The following LILRB2 variants were observed in gnomAD, a reference collection of about 807,000 sequenced individuals.
The protein encoded by LILRB2 is leukocyte immunoglobulin like receptor B2.
Under a neutral mutation model 72.7 loss-of-function variants are expected in LILRB2, and 47 were observed. The observed-to-expected ratio is 0.65, with a 90% CI of 0.51 to 0.82. The LOEUF (loss-of-function observed/expected upper bound fraction) is 0.82, where lower values mean the gene tolerates loss of function less well. LILRB2 is among the 40% of genes least tolerant of loss of function. The pLI is 0.00. For synonymous variants in LILRB2, 279 were observed against 313.7 expected, an observed-to-expected ratio of 0.89 and a Z score of 1.17; for missense variants, 767 against 764.8, an observed-to-expected ratio of 1.00 and a Z score of -0.03.
rs1207778817 is a variant in LILRB2 at position 54,274,383 on chromosome 19, G to T, written c.*300C>A. The T allele has an allele frequency of 2.1e-5, 7 of 328,414 alleles. No individual in the cohort carries two copies. Among genetic ancestry groups the T allele is most frequent in the Non-Finnish European group, 3.8e-5 (7 of 185,638 alleles). The allele number at this position is 328,414 out of a possible 1,614,324, so 20.3% of individuals were successfully genotyped here. ...TGGTTTGTACTTTTTCAATTTCATTGTGTGATGTGTAATATTTATATTGTG... is the reference window on the plus strand; with the variant it reads ...TGGTTTGTACTTTTTCAATTTCATTTTGTGATGTGTAATATTTATATTGTG... On this transcript the variant is annotated 3_prime_UTR_variant, in exon 14 of 14. Transcript: ENST00000314446.
intron 2 of LILRB2, 79 bp from the exon 3 acceptor site, chr19:54,280,378 C>T: frequency 6.2e-7 from 1 of 1,614,054 alleles, no homozygotes; most frequent in Non-Finnish European, 8.5e-7. Context: ...TTTGTGAGCC[C>T]CTGGGGTCTC....
At position 54,277,254 on chromosome 19, in the gene LILRB2, C is replaced by G. The variant is rs192334261; in HGVS notation, c.1357+296G>C. ...TCCTGAACCACGACTCTGCTCCCCT[C>G]CCCTGCCCCAGGTCACCGTCTCTGC... On this transcript the variant is annotated intron_variant, in intron 9 of 13. Coordinates refer to ENST00000314446, the MANE Select transcript of LILRB2 (RefSeq NM_001080978.4). The G allele has an allele frequency of 5.5e-3, 8,394 of 1,529,484 alleles. 35 individuals carry two copies. Among genetic ancestry groups the G allele is most frequent in the Non-Finnish European group, 6.8e-3 (7,688 of 1,130,304 alleles). 94.7% of individuals were successfully genotyped at this position (1,529,484 alleles called of 1,614,324 possible). A position where few individuals can be genotyped will look rare whatever the true frequency, so the allele number is the denominator to read the frequency against.
Position 54,274,376 on chromosome 19 carries a change from T to C in LILRB2, c.*307A>G, listed in dbSNP as rs1288033260. ...TCATTTGTGGTTTGTACTTTTTCAA[T>C]TTCATTGTGTGATGTGTAATATTTA... On this transcript the variant is annotated 3_prime_UTR_variant, in exon 14 of 14. Coordinates refer to ENST00000314446, the MANE Select transcript of LILRB2 (RefSeq NM_001080978.4). 3.1e-6 allele frequency: 1 copy of C among 325,474 alleles called. No homozygotes were observed. Among genetic ancestry groups the C allele is most frequent in the Non-Finnish European group, 5.5e-6 (1 of 182,304 alleles). 20.2% of individuals were successfully genotyped at this position (325,474 alleles called of 1,614,324 possible). A position where few individuals can be genotyped will look rare whatever the true frequency, so the allele number is the denominator to read the frequency against.
chr19:54,280,113 CCA>C (rs1170387170), intron 3 of LILRB2, 38 bp from the exon 4 acceptor site: 1 of 1,611,370 alleles, frequency 6.2e-7, no homozygotes, highest in African/African-American at 1.3e-5. Context: ...AAGTCATTTC[CCA>C]CCCAACAGAT....
chr19:54,274,526 G>C lies in LILRB2; in HGVS notation c.*157C>G. 1 of 1,355,710 alleles carries C rather than the reference G, an allele frequency of 7.4e-7. No homozygotes were observed. The highest frequency in any genetic ancestry group is 2.5e-5 in the East Asian group (1 of 40,154). 84.0% of individuals were successfully genotyped at this position (1,355,710 alleles called of 1,614,324 possible). A position where few individuals can be genotyped will look rare whatever the true frequency, so the allele number is the denominator to read the frequency against. On this transcript the variant is annotated 3_prime_UTR_variant, in exon 14 of 14. Transcript: ENST00000314446. ...AGGGATATTAGTTATTTCGACTGCA[G>C]AATCAAGTGAGTCCCAAAGTTCCCA... is the stretch of plus-strand genomic sequence containing the variant.
At chr19:54,277,214 G>A (rs1386388887) in intron 9 of LILRB2, 11 of 1,535,156 alleles carry the variant, frequency 7.2e-6, no homozygotes, top group South Asian at 1.2e-5. Context: ...GAGCTGCAGG[G>A]AAAGAGCCTT....
chr19:54,279,503 A>G lies in LILRB2; in HGVS notation c.500T>C (p.Leu167Pro). 1 of 1,614,050 alleles carries G rather than the reference A, an allele frequency of 6.2e-7. No homozygotes were observed. The highest frequency in any genetic ancestry group is 8.5e-7 in the Non-Finnish European group (1 of 1,179,984). The change falls in exon 5 of 14, where the codon CTG becomes CCG. Residue 167 changes from leucine to proline, a missense_variant. Coordinates refer to ENST00000314446, the MANE Select transcript of LILRB2 (RefSeq NM_001080978.4). ...KEGEDEHPQC[L>P]NSQPHARGSS... The stretch of plus-strand genomic sequence containing the variant: ...CCCACGGGCATGGGGCTGGGAGTTC[A>G]GGCATTGTGGGTGTTCATCTTCTCC...
In LILRB2 at chr19:54,278,425, G is replaced by C. The variant is rs767551261; in HGVS notation, c.1093C>G (p.Pro365Ala). ...TCGTGTATTGATCTTAGACGGAGTG[G>C]GGCATCAGCTGCTCCCGCCTTGGTC... ...LLTKAGAADA[P>A]LRLRSIHEYP... Residue 365 changes from proline (P) to alanine (A), a missense_variant, in exon 7 of 14, where the codon CCA becomes GCA. By Grantham distance (27) the Pro-to-Ala change is conservative (BLOSUM62 -1). Transcript: ENST00000314446. The C allele has an allele frequency of 6.2e-6, 10 of 1,614,164 alleles. No individual in the cohort carries two copies. The East Asian group carries it at 2.0e-4, about 32-fold the overall frequency.
chr19:54,276,114 C>A, intron 12 of LILRB2, 111 bp from the exon 13 acceptor site: 2 of 1,556,310 alleles, frequency 1.3e-6, no homozygotes, highest in South Asian at 2.3e-5. Flanking sequence ...CAGGGAGGGG[C>A]TGCAATGTCC....
In LILRB2 at chr19:54,274,701, G is replaced by A. The variant is rs139838018; in HGVS notation, c.1776C>T (p.Ala592=). Residue 592 remains alanine (A), a synonymous_variant, in exon 14 of 14, where the codon GCC becomes GCT. Transcript: ENST00000314446. ...REPPAEPSIY[A]TLAIH ...CTCCGGGCTAGTGGATGGCCAGGGT[G>A]GCGTAGATGCTGGGCTCAGCTGGAG... The A allele has an allele frequency of 6.2e-6, 10 of 1,613,904 alleles. No individual in the cohort carries two copies. In the African/African-American group the frequency reaches 9.3e-5, roughly 15 times the overall value.
In LILRB2 at chr19:54,276,420, G is replaced by A; in HGVS notation, c.1517C>T (p.Ala506Val). Residue 506 changes from alanine to valine, a missense_variant, in exon 11 of 14, where the codon GCT becomes GTT. This residue lies in a region of LILRB2 where 162 missense variants were observed against 176.7 expected (regional missense o/e 0.92). Transcript: ENST00000314446. The stretch of plus-strand genomic sequence containing the variant: ...TCTGTCTGTGGGCTCTGGCCCCACA[G>A]CCCCTGCAGGATGTTGGAAATCAGC... The part of the protein sequence containing the change: ...RKADFQHPAG[A>V]VGPEPTDRGL... 1 of 1,600,240 alleles carries A rather than the reference G, an allele frequency of 6.2e-7. No homozygotes were observed. Among genetic ancestry groups the A allele is most frequent in the Non-Finnish European group, 8.6e-7 (1 of 1,169,162 alleles).
intron 9 of LILRB2, chr19:54,277,268 C>T: frequency 6.6e-7 from 1 of 1,515,818 alleles, no homozygotes; most frequent in Admixed American, 2.0e-5. Flanking sequence ...TGCCCCAGGT[C>T]ACCGTCTCTG....
intron 13 of LILRB2, 55 bp downstream of exon 13, chr19:54,275,896 G>C: frequency 6.3e-7 from 1 of 1,596,360 alleles, no homozygotes; most frequent in South Asian, 1.1e-5. Flanking sequence ...AGTCCTGCTG[G>C]ATTAGATCTG....
rs2080511097 is a variant in LILRB2, at chr19:54,280,730, T to C, written c.-48-186A>G. 15 of 806,216 alleles carry C rather than the reference T, an allele frequency of 1.9e-5. 1 individual carries two copies. Among genetic ancestry groups the C allele is most frequent in the Non-Finnish European group, 3.0e-5 (15 of 507,170 alleles). The allele number at this position is 806,216 out of a possible 1,614,324, so 49.9% of individuals were successfully genotyped here. On this transcript the variant is annotated intron_variant, in intron 1 of 13. Coordinates refer to ENST00000314446, the MANE Select transcript of LILRB2 (RefSeq NM_001080978.4). ...AGGTGGGGGCAGGCACTGGGCCCTC[T>C]GCAGACATTTCAGACTGTAATGGGG...
chr19:54,274,587 G>C lies in LILRB2; in HGVS notation c.*96C>G. 6.3e-7 allele frequency: 1 copy of C among 1,594,406 alleles called. No individual in the cohort carries two copies. The highest frequency in any genetic ancestry group is 8.6e-7 in the Non-Finnish European group (1 of 1,167,898). Reference sequence around the variant, plus strand: ...ATGGTCTTTGTTAGGGGTCCAGGCTGACTGGGGTTCATTGGTGTCCACTGG... The same window carrying C: ...ATGGTCTTTGTTAGGGGTCCAGGCTCACTGGGGTTCATTGGTGTCCACTGG... On this transcript the variant is annotated 3_prime_UTR_variant, in exon 14 of 14. Transcript: ENST00000314446.
At chr19:54,276,333 G>T in intron 11 of LILRB2, 32 bp from the exon 12 acceptor site, 2 of 1,613,966 alleles carry the variant, frequency 1.2e-6, no homozygotes, top group Non-Finnish European at 1.7e-6. Flanking sequence ...TAGGGGCAGT[G>T]TATGGGCCAC....
intron 11 of LILRB2, 32 bp downstream of exon 11, chr19:54,276,349 G>T (rs375979050): frequency 2.1e-4 from 334 of 1,612,442 alleles, no homozygotes; most frequent in Middle Eastern, 9.9e-4. Flanking sequence ...GCCACGAGCA[G>T]GTGGGAGTCT....
Position 54,276,880 on chromosome 19 carries a change from G to C in LILRB2, c.1407C>G (p.Val469=). The C allele has an allele frequency of 6.2e-7, 1 of 1,613,986 alleles. No homozygotes were observed. The highest frequency in any genetic ancestry group is 8.5e-7 in the Non-Finnish European group (1 of 1,179,948). Residue 469 remains valine (V), a synonymous_variant, in exon 10 of 14, where the codon GTC becomes GTG. Coordinates refer to ENST00000314446, the MANE Select transcript of LILRB2 (RefSeq NM_001080978.4). The part of the protein sequence containing the change: ...GVVIGILVAV[V]LLLLLLLLLF... ...GGAGGAGGAGGAGGAGGAGCAGTAG[G>C]ACGACGGCCACCAAGATGCCGATCA...
chr19:54,276,231 C>T (rs375129770), intron 12 of LILRB2, 33 bp downstream of exon 12: 6 of 1,613,718 alleles, frequency 3.7e-6, no homozygotes, highest in South Asian at 1.1e-5. Flanking sequence ...CCCCTATCTC[C>T]CTCCTGGCTG....
Sources: allele counts gnomAD v4.1 joint callset, GRCh38; gene constraint gnomAD v4.1.1; regional missense constraint gnomAD v4.1.1; transcripts MANE v1.5; gene names NCBI Gene and HGNC (gene_info 2026-07-23, HGNC 2026-07-21).